KNSTRN: variants seen among roughly 807,000 people sequenced by gnomAD.
KNSTRN encodes kinetochore localized astrin (SPAG5) binding protein.
KNSTRN carries 38 observed loss-of-function variants against 44.7 expected under a neutral mutation model. The ratio of observed to expected loss-of-function variants is 0.85; its 90% CI spans 0.66 to 1.11. The LOEUF (loss-of-function observed/expected upper bound fraction) is 1.11. Ranked by LOEUF, KNSTRN falls within the 50% of genes most tolerant of loss-of-function variation. The probability of loss-of-function intolerance (pLI) is 0.00; values close to 1 mark genes in which losing one functional copy is unlikely to be tolerated. For synonymous variants in KNSTRN, 158 were observed against 148.1 expected, an observed-to-expected ratio of 1.07 and a Z score of -0.48; for missense variants, 406 against 375.8, an observed-to-expected ratio of 1.08 and a Z score of -0.66.
chr15:40,391,655 G>A, intron 7 of KNSTRN, 101 bp downstream of exon 7: 1 of 970,888 alleles, frequency 1.0e-6, no homozygotes, highest in South Asian at 1.4e-5. Context: ...CCAAGAAACA[G>A]CCTTTGATTA....
rs757724672 is a variant in KNSTRN, at chr15:40,389,833, T to C, written c.592-3T>C. ...CTGATCTGTCTGTGCTGTGCTCCAA[T>C]AGGGAGAGCTGAAGGACCTGACCCA... On this transcript the variant is annotated splice_polypyrimidine_tract_variant and splice_region_variant and intron_variant, in intron 5 of 8. Transcript: ENST00000249776. The C allele has an allele frequency of 2.7e-5, 43 of 1,613,620 alleles. No individual in the cohort carries two copies. Among genetic ancestry groups the C allele is most frequent in the South Asian group, 5.5e-5 (5 of 91,082 alleles).
At chr15:40,387,434 G>C (rs1435832353) in intron 4 of KNSTRN, among the ~76,000 whole-genome samples, 1 of 152,122 alleles carries the variant, frequency 6.6e-6, no homozygotes, top group African/African-American at 2.4e-5. Context: ...AGAGCTTTTT[G>C]GACTCCACGC....
At chr15:40,383,424 G>A in intron 2 of KNSTRN, 102 bp downstream of exon 2, 1 of 873,330 alleles carries the variant, frequency 1.1e-6, no homozygotes, top group Non-Finnish European at 1.8e-6. Context: ...AGGGCGTCCC[G>A]TCGGCCCTGA....
At chr15:40,386,696 A>T (rs1413802259) in intron 3 of KNSTRN, 1 of 590,336 alleles carries the variant, frequency 1.7e-6, no homozygotes, top group African/African-American at 1.9e-5. Context: ...CCAGAGTTAT[A>T]AGAGGTGTTC....
In KNSTRN at chr15:40,393,541, CA is replaced by C; in HGVS notation, c.897del (p.Val300Ter). On this transcript the variant is annotated frameshift_variant, in exon 9 of 9. Coordinates refer to ENST00000249776, the MANE Select transcript of KNSTRN (RefSeq NM_033286.4). LOFTEE classifies it high-confidence loss of function. ...AGAACAGCAAACCTTATGTAACAAT[CA>C]AGTAAATGATTTAACAACAGCCCTT... ...FLEQQTLCNN[Q>X]VNDLTTALKE... 2 of 1,614,046 alleles carry C rather than the reference CA, an allele frequency of 1.2e-6. No homozygotes were observed. The highest frequency in any genetic ancestry group is 1.7e-6 in the Non-Finnish European group (2 of 1,179,998).
At chr15:40,392,663 T>G (rs556281893) in intron 8 of KNSTRN, among the ~76,000 whole-genome samples, 1 of 152,202 alleles carries the variant, frequency 6.6e-6, no homozygotes, top group Non-Finnish European at 1.5e-5. Context: ...CAGGCTGGAG[T>G]GCAATGGCGT....
chr15:40,386,970 C>G (rs1889913576), intron 3 of KNSTRN, 189 bp from the exon 4 acceptor site: 2 of 612,736 alleles, frequency 3.3e-6, no homozygotes, highest in Admixed American at 5.4e-5. Context: ...CCCTTTGCTA[C>G]TAAAAAGCCT....
At chr15:40,393,141 T>G in intron 8 of KNSTRN, 1 of 1,592,188 alleles carries the variant, frequency 6.3e-7, no homozygotes, top group Non-Finnish European at 8.6e-7. Context: ...ACTTGATAAC[T>G]CAAGGAGAAG....
rs770516055 is a variant in KNSTRN, at chr15:40,391,563, A to G, written c.747+9A>G. On this transcript the variant is annotated intron_variant, in intron 7 of 8. Coordinates refer to ENST00000249776, the MANE Select transcript of KNSTRN (RefSeq NM_033286.4). ...ATCACATGGACTCTATGGTGAGGGC[A>G]TGGGTGTGAAAGGGCGCAAGGGCTG... 9.3e-6 allele frequency: 15 copies of G among 1,612,942 alleles called. No individual in the cohort carries two copies. The highest frequency in any genetic ancestry group is 7.6e-6 in the Non-Finnish European group (9 of 1,178,954).
chr15:40,393,786 A>G lies in KNSTRN; in HGVS notation c.*189A>G, dbSNP rs1419145048. The G allele has an allele frequency of 6.2e-6, 3 of 483,500 alleles. No individual in the cohort carries two copies. Among genetic ancestry groups the G allele is most frequent in the Non-Finnish European group, 1.1e-5 (3 of 279,892 alleles). 30.0% of individuals were successfully genotyped at this position (483,500 alleles called of 1,614,324 possible). ...ATTTAAGCAAGTTTTCCCAACCTTC[A>G]GGTTGGTCAGCCCTCCTGAGCCTCA... On this transcript the variant is annotated 3_prime_UTR_variant, in exon 9 of 9. Transcript: ENST00000249776.
intron 6 of KNSTRN, among the ~76,000 whole-genome samples, 194 bp downstream of exon 6, chr15:40,390,123 T>A (rs1889974032): frequency 1.3e-5 from 2 of 152,230 alleles, no homozygotes. Context: ...GGATTTCAGA[T>A]GATTATAGAG....
In KNSTRN at chr15:40,387,206, G is replaced by T. The variant is rs1329807354; in HGVS notation, c.485G>T (p.Gly162Val). 6.2e-7 allele frequency: 1 copy of T among 1,612,076 alleles called. No homozygotes were observed. Among genetic ancestry groups the T allele is most frequent in the South Asian group, 1.1e-5 (1 of 91,000 alleles). Residue 162 changes from glycine to valine, a missense_variant and splice_region_variant, in exon 4 of 9, where the codon GGC becomes GTC. Gly to Val is a moderately radical substitution (Grantham distance 109). Coordinates refer to ENST00000249776, the MANE Select transcript of KNSTRN (RefSeq NM_033286.4). ...DTATRRNVRKGYKPLSKQKSE... is the reference protein window; with the variant it reads ...DTATRRNVRKVYKPLSKQKSE... ...GCCACCAGAAGGAATGTCAGAAAAG[G>T]GTGAGCATCAGGGTAAATCAACTTG...
At chr15:40,393,156 G>A in intron 8 of KNSTRN, 1 of 1,609,050 alleles carries the variant, frequency 6.2e-7, no homozygotes, top group Admixed American at 1.7e-5. Flanking sequence ...GAGAAGACCT[G>A]TAGTAAGCAC....
chr15:40,391,603 T>A (rs1388660734), intron 7 of KNSTRN, 49 bp downstream of exon 7: 1 of 1,451,016 alleles, frequency 6.9e-7, no homozygotes, highest in Non-Finnish European at 9.7e-7. Context: ...ACTGTGGGGC[T>A]CTGTAAATCT....
chr15:40,388,765 C>A (rs1220373588), intron 4 of KNSTRN, among the ~76,000 whole-genome samples: 1 of 152,080 alleles, frequency 6.6e-6, no homozygotes, highest in Admixed American at 6.5e-5. Flanking sequence ...CCCTCATTCC[C>A]GTAAACCCAC....
chr15:40,391,636 C>A, intron 7 of KNSTRN, 82 bp downstream of exon 7: 1 of 1,136,354 alleles, frequency 8.8e-7, no homozygotes, highest in South Asian at 1.3e-5. Flanking sequence ...GCTATATATT[C>A]CATAAACTCC....
Position 40,393,608 on chromosome 15 carries a change from G to A in KNSTRN, c.*11G>A. 2 of 1,611,896 alleles carry A rather than the reference G, an allele frequency of 1.2e-6. No individual in the cohort carries two copies. Among genetic ancestry groups the A allele is most frequent in the South Asian group, 1.1e-5 (1 of 90,606 alleles). The stretch of plus-strand genomic sequence containing the variant: ...CTATTAGAAATGTAAGAAGAAGCAA[G>A]TGGCCAGATGGCTCCCTCTTGGGCA... On this transcript the variant is annotated 3_prime_UTR_variant, in exon 9 of 9. Transcript: ENST00000249776.
At chr15:40,383,568 A>G (rs1003704276) in intron 2 of KNSTRN, 10 of 436,072 alleles carry the variant, frequency 2.3e-5, no homozygotes, top group Non-Finnish European at 4.1e-5. Context: ...GTTAGATTCA[A>G]GTTGTTGGTT....
At chr15:40,392,177 T>C (rs953582288) in intron 8 of KNSTRN, among the ~76,000 whole-genome samples, 154 bp downstream of exon 8, 1 of 123,084 alleles carries the variant, frequency 8.1e-6, no homozygotes, top group Non-Finnish European at 1.7e-5. Context: ...TTTACCCTGA[T>C]AGTAACGTGT....
Sources: gnomAD v4.1 joint callset for allele counts (sites outside exome capture counted in the v4.1 genomes callset) on GRCh38, gnomAD v4.1.1 for gene constraint, MANE v1.5 for transcripts, NCBI Gene and HGNC (gene_info 2026-07-23, HGNC 2026-07-21) for gene names.